MYH9: variants seen among roughly 807,000 people sequenced by gnomAD.
The protein encoded by MYH9 is myosin heavy chain 9, also known as myosin-9.
Under a neutral mutation model 241.9 loss-of-function variants are expected in MYH9, and 29 were observed. The ratio of observed to expected loss-of-function variants is 0.12; its 90% CI spans 0.09 to 0.16. MYH9 has a LOEUF of 0.16. MYH9 is among the 10% of genes least tolerant of loss of function. The probability of loss-of-function intolerance (pLI) is 1.00; values close to 1 mark genes in which losing one functional copy is unlikely to be tolerated. For missense variants in MYH9, 1,803 were observed against 2,595.5 expected, an observed-to-expected ratio of 0.69 and a Z score of 6.63; for synonymous variants, 1,047 against 1,062.6, an observed-to-expected ratio of 0.99 and a Z score of 0.29.
intron 38 of MYH9, 104 bp from the exon 39 acceptor site, chr22:36,284,615 A>G (rs2016548200): frequency 9.0e-7 from 1 of 1,112,960 alleles, no homozygotes; most frequent in African/African-American, 1.5e-5. Context: ...ACTGGCATCT[A>G]GGGATCACGT....
At position 36,319,565 on chromosome 22, in the gene MYH9, G is replaced by C. The variant is rs56001030; in HGVS notation, c.1083C>G (p.Asp361Glu). ...CTGTGTTGTCGGGCATGGACGCCTG[G>C]TCAGTGTTCCGCTCCTTCTTGAAGA... Reference protein sequence around the residue: ...NIVFKKERNTDQASMPDNTAA... With the variant: ...NIVFKKERNTEQASMPDNTAA... The change falls in exon 10 of 41, where the codon GAC (aspartate) becomes GAG (glutamate). Residue 361 changes from aspartate (D) to glutamate (E), a missense_variant. This residue lies in a region of MYH9 where 222 missense variants were observed against 359.9 expected (regional missense o/e 0.62). Transcript: ENST00000216181. The C allele has an allele frequency of 6.2e-7, 1 of 1,614,148 alleles. No individual in the cohort carries two copies. The highest frequency in any genetic ancestry group is 8.5e-7 in the Non-Finnish European group (1 of 1,180,036).
At chr22:36,315,761 C>T (rs13058261) in intron 12 of MYH9, among the ~76,000 whole-genome samples, 81,390 of 150,594 alleles carry the variant, frequency 0.54, 24,238 homozygotes, top group Non-Finnish European at 0.68. Flanking sequence ...AAAAAAATAA[C>T]AAACAAACAA....
At chr22:36,308,408 G>A (rs1044490753) in intron 15 of MYH9, among the ~76,000 whole-genome samples, 5 of 150,942 alleles carry the variant, frequency 3.3e-5, no homozygotes, top group Non-Finnish European at 5.9e-5. Context: ...GGGACTACAG[G>A]CATGCACCAT....
rs779975795 is a variant in MYH9 at position 36,292,186 on chromosome 22, T to C, written c.4144A>G (p.Thr1382Ala). The C allele has an allele frequency of 5.6e-6, 9 of 1,614,050 alleles. No individual in the cohort carries two copies. The East Asian group carries it at 2.0e-4, about 36-fold the overall frequency. Residue 1382 changes from threonine (T) to alanine (A), a missense_variant, in exon 31 of 41, where the codon ACT becomes GCT. Thr to Ala is a moderately conservative substitution (Grantham distance 58, BLOSUM62 0). This residue lies in a region of MYH9 where 876 missense variants were observed against 1,077.8 expected (regional missense o/e 0.81). Transcript: ENST00000216181. ...KMEDSVGCLE[T>A]AEEVKRKLQK... The stretch of plus-strand genomic sequence containing the variant: ...AGCTTCCTCTTCACCTCCTCAGCAG[T>C]TTCCAGGCACCCCACACTGTCCTCC...
intron 1 of MYH9, among the ~76,000 whole-genome samples, chr22:36,354,956 A>C (rs866972407): frequency 3.2e-5 from 4 of 123,638 alleles, no homozygotes; most frequent in East Asian, 2.3e-4. Flanking sequence ...CAAAAAACAA[A>C]ACACACACAC....
chr22:36,367,303 T>G (rs940646512), intron 1 of MYH9, among the ~76,000 whole-genome samples: 2 of 152,104 alleles, frequency 1.3e-5, no homozygotes, highest in African/African-American at 4.8e-5. Context: ...CCTGCACTGC[T>G]CTGGGGTGCC....
chr22:36,361,982 T>A (rs923556374), intron 1 of MYH9, among the ~76,000 whole-genome samples: 1 of 152,076 alleles, frequency 6.6e-6, no homozygotes, highest in Non-Finnish European at 1.5e-5. Context: ...AGGCCAAGAA[T>A]TGCTTGAACC....
rs1246508646 is a variant in MYH9, at chr22:36,305,887, C to A, written c.2159+43G>T. On this transcript the variant is annotated intron_variant, in intron 17 of 40. Coordinates refer to ENST00000216181, the MANE Select transcript of MYH9 (RefSeq NM_002473.6). The surrounding 1 kb of genome is among the most constrained non-coding windows in gnomAD (Gnocchi z 4.7). The stretch of plus-strand genomic sequence containing the variant: ...GCCCACCTCTGGGACTCACTGCACG[C>A]ACAGCAGGGCCCAGGAGAAGCGGGC... The A allele has an allele frequency of 6.2e-7, 1 of 1,611,422 alleles. No individual in the cohort carries two copies. The highest frequency in any genetic ancestry group is 8.5e-7 in the Non-Finnish European group (1 of 1,179,276).
chr22:36,286,058 T>TC (rs2016575181), intron 35 of MYH9, 105 bp from the exon 36 acceptor site: 1 of 1,248,064 alleles, frequency 8.0e-7, no homozygotes, highest in African/African-American at 1.5e-5. Flanking sequence ...CAGGCCCACC[T>TC]CCCCACGAAG....
chr22:36,350,741 C>A (rs1409487531), intron 1 of MYH9, among the ~76,000 whole-genome samples: 1 of 152,160 alleles, frequency 6.6e-6, no homozygotes. Context: ...GTCATCCAGT[C>A]CTGTGGCCTT....
Position 36,306,286 on chromosome 22 carries a change from CAGAG to C in MYH9, c.2037+124_2037+127del. On this transcript the variant is annotated intron_variant, in intron 16 of 40. Transcript: ENST00000216181. The surrounding 1 kb of genome is among the most constrained non-coding windows in gnomAD (Gnocchi z 4.1). ...CCTAAGCGAGCCAAGGCCCACCCTGCAGAGAAACGACTGAAGGCTCTGTGCATGC... is the reference window on the plus strand; with the variant it reads ...CCTAAGCGAGCCAAGGCCCACCCTGCAAACGACTGAAGGCTCTGTGCATGC... The C allele has an allele frequency of 7.4e-7, 1 of 1,353,638 alleles. No individual in the cohort carries two copies. Among genetic ancestry groups the C allele is most frequent in the Non-Finnish European group, 1.0e-6 (1 of 974,594 alleles). The allele number at this position is 1,353,638 out of a possible 1,614,324, so 83.9% of individuals were successfully genotyped here.
intron 12 of MYH9, 120 bp from the exon 13 acceptor site, chr22:36,314,438 C>A (rs975183662): frequency 2.4e-6 from 3 of 1,257,492 alleles, no homozygotes; most frequent in African/African-American, 3.0e-5. Flanking sequence ...CACCTCCATG[C>A]CGCTGCCTTT....
rs926005355 is a variant in MYH9, at chr22:36,305,953, C to T, written c.2136G>A (p.Val712=). 6.2e-7 allele frequency: 1 copy of T among 1,613,368 alleles called. No homozygotes were observed. Among genetic ancestry groups the T allele is most frequent in the Non-Finnish European group, 8.5e-7 (1 of 1,180,006 alleles). Reference sequence around the variant, plus strand: ...ACCTCTGCCGAAACTCCTGGAAGACCACCCTGTTGGGGAAGCCCTGGCGGC... The same window carrying T: ...ACCTCTGCCGAAACTCCTGGAAGACTACCCTGTTGGGGAAGCCCTGGCGGC... The part of the protein sequence containing the change: ...RICRQGFPNR[V]VFQEFRQRYE... Residue 712 remains valine, a synonymous_variant, in exon 17 of 41, where the codon GTG becomes GTA. Coordinates refer to ENST00000216181, the MANE Select transcript of MYH9 (RefSeq NM_002473.6). This position sits in a 1 kb window ranked among gnomAD's most constrained non-coding sequence, Gnocchi z 4.7.
chr22:36,282,837 C>A, intron 40 of MYH9, 52 bp from the exon 41 acceptor site: 1 of 1,488,270 alleles, frequency 6.7e-7, no homozygotes, highest in Non-Finnish European at 9.1e-7. Flanking sequence ...AGGCCAGGGG[C>A]GGCCACAGCA....
chr22:36,320,608 T>C lies in MYH9; in HGVS notation c.868+190A>G, dbSNP rs1374265216. Among the ~76,000 whole-genome samples the C allele has an allele frequency of 6.6e-6, 1 of 152,204 alleles. No homozygotes were observed. The highest frequency in any genetic ancestry group is 1.5e-5 in the Non-Finnish European group (1 of 68,030). On this transcript the variant is annotated intron_variant, in intron 8 of 40. Transcript: ENST00000216181. The surrounding 1 kb of genome is among the most constrained non-coding windows in gnomAD (Gnocchi z 4.8). ...GCTACATGTGCAACCCACCCTAGCT[T>C]TTCTCTGGCATGGTCAGAAACAGAA...
intron 40 of MYH9, among the ~76,000 whole-genome samples, chr22:36,283,314 A>G (rs1263043009): frequency 6.6e-6 from 1 of 152,114 alleles, no homozygotes; most frequent in Non-Finnish European, 1.5e-5. Flanking sequence ...AGGCGGGTGG[A>G]GCACCTGAGG....
intron 1 of MYH9, among the ~76,000 whole-genome samples, chr22:36,367,093 C>T (rs1292821683): frequency 1.3e-5 from 2 of 152,108 alleles, no homozygotes; most frequent in Non-Finnish European, 2.9e-5. Context: ...TTTAGGAGTC[C>T]CCTGGTCACA....
intron 31 of MYH9, among the ~76,000 whole-genome samples, chr22:36,289,592 G>C (rs2016652615): frequency 6.6e-6 from 1 of 152,206 alleles, no homozygotes; most frequent in Admixed American, 6.5e-5. Flanking sequence ...CCTTCCATGA[G>C]AGCCCTCCAA....
intron 13 of MYH9, among the ~76,000 whole-genome samples, chr22:36,313,472 A>AAAAAAAAG (rs771935599): frequency 1.1e-4 from 13 of 123,080 alleles, no homozygotes; most frequent in Admixed American, 2.9e-4. Context: ...AAAAAAAAAA[A>AAAAAAAAG]AAGAAGAAAA....
Sources: allele counts gnomAD v4.1 joint callset (sites outside exome capture counted in the v4.1 genomes callset), GRCh38; gene constraint gnomAD v4.1.1; regional missense constraint gnomAD v4.1.1; non-coding constraint Gnocchi (gnomAD v3.1); transcripts MANE v1.5; gene names NCBI Gene and HGNC (gene_info 2026-07-23, HGNC 2026-07-21).